Variants in SMOC2 observed in about 807,000 individuals in gnomAD.
SMOC2 encodes SPARC related modular calcium binding 2.
A neutral mutation model predicts 61.4 loss-of-function variants in SMOC2; 39 were observed. The observed-to-expected ratio is 0.64, with a 90% CI of 0.49 to 0.83. The LOEUF is 0.83. Ranked by LOEUF, SMOC2 falls within the 40% of genes least tolerant of loss-of-function variation. The pLI, the probability that SMOC2 is intolerant of heterozygous loss-of-function variation, is 0.00. For missense variants in SMOC2, 556 were observed against 592.9 expected, an observed-to-expected ratio of 0.94 and a Z score of 0.65; for synonymous variants, 247 against 239.9, an observed-to-expected ratio of 1.03 and a Z score of -0.27.
At chr6:168,451,885 A>G (rs552523538) in intron 1 of SMOC2, among the ~76,000 whole-genome samples, 5 of 152,108 alleles carry the variant, frequency 3.3e-5, no homozygotes, top group African/African-American at 1.2e-4. Flanking sequence ...TACTCTTGGC[A>G]TCTCTCCCAC....
At chr6:168,546,225 A>T (rs935032590) in intron 5 of SMOC2, among the ~76,000 whole-genome samples, 2 of 143,008 alleles carry the variant, frequency 1.4e-5, no homozygotes, top group African/African-American at 5.3e-5. Context: ...AAGTTATTTA[A>T]CAAAATGATA....
At chr6:168,551,420 TTATTTTATTTATTTA>T (rs1379572430) in intron 7 of SMOC2, among the ~76,000 whole-genome samples, 6 of 141,750 alleles carry the variant, frequency 4.2e-5, no homozygotes, top group African/African-American at 1.6e-4. Context: ...GAAATATACT[TTATTTTATTTATTTA>T]TTTATTTATT....
chr6:168,499,525 T>A (rs1392406735), intron 1 of SMOC2, among the ~76,000 whole-genome samples: 1 of 152,162 alleles, frequency 6.6e-6, no homozygotes, highest in Non-Finnish European at 1.5e-5. Context: ...GATGGGGCAG[T>A]GATGAGAGTC....
At chr6:168,645,334 C>G (rs1283164544) in intron 9 of SMOC2, among the ~76,000 whole-genome samples, 2 of 152,152 alleles carry the variant, frequency 1.3e-5, no homozygotes, top group Non-Finnish European at 2.9e-5. Flanking sequence ...CACACTCAAA[C>G]TTTTCTATGA....
chr6:168,566,363 G>C (rs888007585), intron 7 of SMOC2, among the ~76,000 whole-genome samples: 2 of 151,952 alleles, frequency 1.3e-5, no homozygotes, highest in Non-Finnish European at 2.9e-5. Context: ...CCTTGCAATA[G>C]GTTGTCTTTA....
In SMOC2 at chr6:168,581,269, C is replaced by G. The variant is rs146924665; in HGVS notation, c.638-17549C>G. ...AAAGAGAACCACGAAATTTCCATGA[C>G]TGCTGAAGACAACATGCGTAAAAAT... On this transcript the variant is annotated intron_variant, in intron 7 of 12. Coordinates refer to ENST00000356284, the MANE Select transcript of SMOC2 (RefSeq NM_001166412.2). Among the ~76,000 whole-genome samples, 218 of 152,190 alleles carry G rather than the reference C, an allele frequency of 1.4e-3. 15 individuals carry two copies. The East Asian group carries it at 0.033, about 23-fold the overall frequency.
chr6:168,634,562 AAGTT>A (rs1459002609), intron 9 of SMOC2, among the ~76,000 whole-genome samples: 1 of 152,194 alleles, frequency 6.6e-6, no homozygotes, highest in African/African-American at 2.4e-5. Context: ...AGAATATTAA[AAGTT>A]CATGGTCCTG....
Position 168,543,681 on chromosome 6 carries a change from C to A in SMOC2, c.511+9C>A, listed in dbSNP as rs1438250905. 10 of 1,611,982 alleles carry A rather than the reference C, an allele frequency of 6.2e-6. No individual in the cohort carries two copies. Among genetic ancestry groups the A allele is most frequent in the Non-Finnish European group, 8.5e-6 (10 of 1,178,286 alleles). On this transcript the variant is annotated intron_variant, in intron 5 of 12. Transcript: ENST00000356284. Reference sequence around the variant, plus strand: ...AGGCACAGGAAAAACAGGTAACTATCTTAGAATAAATGTCTATGACGATAT... The same window carrying A: ...AGGCACAGGAAAAACAGGTAACTATATTAGAATAAATGTCTATGACGATAT...
intron 11 of SMOC2, among the ~76,000 whole-genome samples, chr6:168,660,821 G>A (rs894648238): frequency 2.0e-5 from 3 of 152,246 alleles, no homozygotes; most frequent in African/African-American, 4.8e-5. Context: ...AGCCCCTGGC[G>A]AGGAAGAATG....
intron 4 of SMOC2, among the ~76,000 whole-genome samples, chr6:168,541,564 A>G (rs2115097031): frequency 6.6e-6 from 1 of 152,298 alleles, no homozygotes; most frequent in East Asian, 1.9e-4. Context: ...CTATTTTCCC[A>G]TCCTGGAGGC....
chr6:168,467,324 A>G (rs1479866580), intron 1 of SMOC2, among the ~76,000 whole-genome samples: 1 of 146,846 alleles, frequency 6.8e-6, no homozygotes, highest in East Asian at 2.0e-4. Context: ...TTTTTTTTTC[A>G]GAGATGGAGT....
chr6:168,525,400 A>C (rs886263596), intron 2 of SMOC2, among the ~76,000 whole-genome samples: 2 of 152,168 alleles, frequency 1.3e-5, no homozygotes, highest in Admixed American at 6.5e-5. Flanking sequence ...TGTGGTCCTC[A>C]CGTGTCTTAA....
At chr6:168,534,905 C>A (rs1783696720) in intron 4 of SMOC2, among the ~76,000 whole-genome samples, 1 of 152,106 alleles carries the variant, frequency 6.6e-6, no homozygotes. Flanking sequence ...AAGTAAATGG[C>A]CCCAATTTGT....
At chr6:168,583,904 T>C (rs112306898) in intron 7 of SMOC2, among the ~76,000 whole-genome samples, 1,756 of 151,192 alleles carry the variant, frequency 0.012, 30 homozygotes, top group African/African-American at 0.04. Context: ...GGCGAGGGCC[T>C]TGCAGCCGCT....
In SMOC2 at chr6:168,527,593, C is replaced by T. The variant is rs918673689; in HGVS notation, c.364-35C>T. ...AGCCGTGAGGCGCTGCGCCACGGGC[C>T]CGGGAGGGCTTACCCGTCCTGTGCT... On this transcript the variant is annotated intron_variant, in intron 3 of 12. Transcript: ENST00000356284. 7 of 1,492,028 alleles carry T rather than the reference C, an allele frequency of 4.7e-6. No homozygotes were observed. In the Admixed American group the frequency reaches 1.4e-4, roughly 29 times the overall value. 92.4% of individuals were successfully genotyped at this position (1,492,028 alleles called of 1,614,324 possible). A position where few individuals can be genotyped will look rare whatever the true frequency, so the allele number is the denominator to read the frequency against.
chr6:168,554,335 C>T (rs931487617), intron 7 of SMOC2, among the ~76,000 whole-genome samples: 2 of 152,196 alleles, frequency 1.3e-5, no homozygotes, highest in African/African-American at 2.4e-5. Flanking sequence ...TAATTAACAC[C>T]TTGGGGTGTC....
intron 7 of SMOC2, among the ~76,000 whole-genome samples, chr6:168,567,820 A>G (rs865810270): frequency 1.3e-4 from 18 of 143,882 alleles, no homozygotes; most frequent in African/African-American, 1.8e-4. Flanking sequence ...CAGATGAGCA[A>G]CTACAGGCGA....
chr6:168,562,376 ACAAGGC>A (rs1784437973), intron 7 of SMOC2, among the ~76,000 whole-genome samples: 1 of 91,360 alleles, frequency 1.1e-5, no homozygotes, highest in Non-Finnish European at 2.3e-5. Flanking sequence ...GCCCTGAGAC[ACAAGGC>A]TCTCACTGCA....
intron 9 of SMOC2, among the ~76,000 whole-genome samples, chr6:168,616,908 G>T (rs1253300768): frequency 6.6e-6 from 1 of 152,314 alleles, no homozygotes; most frequent in East Asian, 1.9e-4. Context: ...GTTGCAGGGA[G>T]CTCCTCCAGC....
Sources: allele counts gnomAD v4.1 joint callset (sites outside exome capture counted in the v4.1 genomes callset), GRCh38; gene constraint gnomAD v4.1.1; transcripts MANE v1.5; gene names NCBI Gene and HGNC (gene_info 2026-07-23, HGNC 2026-07-21).